Variants in COLQ observed in about 807,000 individuals in gnomAD.
COLQ encodes acetylcholinesterase collagenic tail peptide.
In COLQ, 48 loss-of-function variants were observed where a neutral mutation model predicts 69.0. The ratio of observed to expected loss-of-function variants is 0.70; its 90% CI spans 0.55 to 0.88. The LOEUF is 0.88. COLQ is among the 40% of genes least tolerant of loss of function. COLQ has a pLI of 0.00. For missense variants in COLQ, 618 were observed against 594.6 expected (o/e 1.04, Z -0.41); for synonymous variants, 217 against 211.2 (o/e 1.03, Z -0.24).
At chr3:15,508,351 A>G (rs898362601) in intron 1 of COLQ, among the ~76,000 whole-genome samples, 4 of 152,202 alleles carry the variant, frequency 2.6e-5, no homozygotes, top group Admixed American at 6.5e-5. Flanking sequence ...TTGAAACATT[A>G]CTTATCTGAG....
At position 15,492,584 on chromosome 3, in the gene COLQ, G is replaced by A. The variant is rs905167492; in HGVS notation, c.107-2947C>T. On this transcript the variant is annotated intron_variant, in intron 1 of 16. Coordinates refer to ENST00000383788, the MANE Select transcript of COLQ (RefSeq NM_005677.4). ...TGGGAGGCTGAGGTGGGAGAATGGC[G>A]TGAACCCGGGAGGCGGAGCTTGCAG... 7.2e-5 allele frequency among the ~76,000 whole-genome samples: 11 copies of A among 151,896 alleles called. No homozygotes were observed. The South Asian group carries it at 1.2e-3, about 17-fold the overall frequency.
At chr3:15,498,396 T>A (rs2062779764) in intron 1 of COLQ, 2 of 1,092,052 alleles carry the variant, frequency 1.8e-6, no homozygotes, top group African/African-American at 1.6e-5. Context: ...AGAAAAAAAA[T>A]TTAAAGGCTG....
intron 15 of COLQ, 168 bp from the exon 16 acceptor site, chr3:15,454,099 G>A (rs1207775195): frequency 6.3e-6 from 4 of 636,546 alleles, no homozygotes; most frequent in Non-Finnish European, 1.1e-5. Flanking sequence ...ACAGGCTCTG[G>A]TCCCACAGCG....
intron 12 of COLQ, among the ~76,000 whole-genome samples, chr3:15,465,367 T>C (rs1575468344): frequency 6.8e-6 from 1 of 147,926 alleles, no homozygotes; most frequent in South Asian, 2.2e-4. Context: ...CCCAGGTTCA[T>C]GCCGTTCTCC....
At chr3:15,505,577 G>A (rs1298163555) in intron 1 of COLQ, among the ~76,000 whole-genome samples, 1 of 152,214 alleles carries the variant, frequency 6.6e-6, no homozygotes, top group Non-Finnish European at 1.5e-5. Context: ...AGGAGCCAAG[G>A]GAACATAAAG....
intron 1 of COLQ, among the ~76,000 whole-genome samples, chr3:15,504,532 T>G (rs1053640948): frequency 6.6e-6 from 1 of 152,192 alleles, no homozygotes; most frequent in African/African-American, 2.4e-5. Flanking sequence ...TATCTTAACT[T>G]AATCACTTTT....
rs2290538 is a variant in COLQ at position 15,479,132 on chromosome 3, T to G, written c.367-129A>C. On this transcript the variant is annotated intron_variant, in intron 4 of 16. Coordinates refer to ENST00000383788, the MANE Select transcript of COLQ (RefSeq NM_005677.4). Reference sequence around the variant, plus strand: ...TTGCTTGGCTGCTGCTCACGGCCCCTCTGCCATGTCGATAGGCCACGTCAA... The same window carrying G: ...TTGCTTGGCTGCTGCTCACGGCCCCGCTGCCATGTCGATAGGCCACGTCAA... 0.28 allele frequency: 342,594 copies of G among 1,237,058 alleles called. 49,166 individuals are homozygous for G. Among genetic ancestry groups the G allele is most frequent in the East Asian group, 0.3 (12,734 of 42,992 alleles). The allele number at this position is 1,237,058 out of a possible 1,614,324, so 76.6% of individuals were successfully genotyped here. A position where few individuals can be genotyped will look rare whatever the true frequency, so the allele number is the denominator to read the frequency against.
At chr3:15,458,424 G>A (rs2062057480) in intron 12 of COLQ, 99 bp from the exon 13 acceptor site, 3 of 1,347,970 alleles carry the variant, frequency 2.2e-6, no homozygotes, top group Non-Finnish European at 3.2e-6. Flanking sequence ...AAAGGTTAAA[G>A]TCCACAGCAT....
At chr3:15,513,393 C>A in intron 1 of COLQ, among the ~76,000 whole-genome samples, 1 of 152,332 alleles carries the variant, frequency 6.6e-6, no homozygotes, top group Non-Finnish European at 1.5e-5. Context: ...CTTCCCACTA[C>A]AGAGTCTTGT....
chr3:15,498,572 ATGATGAGCCCGTCAT>A, intron 1 of COLQ: 1 of 1,552,028 alleles, frequency 6.4e-7, no homozygotes, highest in Non-Finnish European at 8.7e-7. Flanking sequence ...GCGAGGCTGA[ATGATGAGCCCGTCAT>A]TGTGAGGCAG....
chr3:15,504,132 A>G (rs1482763459), intron 1 of COLQ, among the ~76,000 whole-genome samples: 1 of 152,166 alleles, frequency 6.6e-6, no homozygotes, highest in Admixed American at 6.5e-5. Context: ...GAGGGTGACA[A>G]ATCTGCAACT....
chr3:15,488,179 G>T, intron 3 of COLQ, 27 bp downstream of exon 3: 2 of 1,540,252 alleles, frequency 1.3e-6, no homozygotes, highest in Non-Finnish European at 1.8e-6. Flanking sequence ...AGAAGACAGC[G>T]AGAGGGGTCC....
chr3:15,460,939 G>A (rs2062102730), intron 12 of COLQ, among the ~76,000 whole-genome samples: 3 of 152,112 alleles, frequency 2.0e-5, no homozygotes, highest in Non-Finnish European at 2.9e-5. Flanking sequence ...CAGAACCATG[G>A]CCTGAGAGAC....
At chr3:15,514,663 G>A (rs1298532126) in intron 1 of COLQ, among the ~76,000 whole-genome samples, 3 of 152,142 alleles carry the variant, frequency 2.0e-5, no homozygotes, top group Non-Finnish European at 4.4e-5. Flanking sequence ...GCTGTGCAGA[G>A]CTTTGGGATT....
chr3:15,488,340 A>C, intron 2 of COLQ, 33 bp from the exon 3 acceptor site: 2 of 1,579,948 alleles, frequency 1.3e-6, no homozygotes, highest in Non-Finnish European at 1.7e-6. Flanking sequence ...GTTAGAGGTC[A>C]GGCGTAGGGG....
intron 3 of COLQ, among the ~76,000 whole-genome samples, chr3:15,486,366 T>G (rs80085069): frequency 0.043 from 6,529 of 152,274 alleles, 169 homozygotes; most frequent in African/African-American, 0.065. Context: ...ATGATACCAA[T>G]GTTGCTGGTT....
chr3:15,497,872 C>A (rs1455353181), intron 1 of COLQ, among the ~76,000 whole-genome samples: 1 of 152,180 alleles, frequency 6.6e-6, no homozygotes, highest in Non-Finnish European at 1.5e-5. Flanking sequence ...GAAGGCTGCA[C>A]CCTACAATTT....
At chr3:15,498,872 T>A in intron 1 of COLQ, 1 of 1,374,470 alleles carries the variant, frequency 7.3e-7, no homozygotes, top group East Asian at 2.9e-5. Flanking sequence ...GGGGAGGATA[T>A]GAGGTTGGGA....
chr3:15,490,278 A>T (rs2062642576), intron 1 of COLQ, among the ~76,000 whole-genome samples: 1 of 152,250 alleles, frequency 6.6e-6, no homozygotes. Flanking sequence ...GTTCAATGTT[A>T]GTAAATGTTC....
Sources: allele counts gnomAD v4.1 joint callset (sites outside exome capture counted in the v4.1 genomes callset), GRCh38; gene constraint gnomAD v4.1.1; transcripts MANE v1.5; gene names NCBI Gene and HGNC (gene_info 2026-07-23, HGNC 2026-07-21).